Variants in EGLN1 observed in about 807,000 individuals in gnomAD.
EGLN1 encodes the protein egl-9 family hypoxia inducible factor 1.
EGLN1 carries 17 observed loss-of-function variants against 38.3 expected under a neutral mutation model. The observed-to-expected ratio is 0.44, with a 90% CI of 0.30 to 0.67. The LOEUF (loss-of-function observed/expected upper bound fraction) is 0.67. Among genes scored for constraint, EGLN1 ranks in the 30% least tolerant of loss-of-function variants. The pLI is 0.08. For missense variants in EGLN1, 477 were observed against 603.3 expected (o/e 0.79, Z 2.19); for synonymous variants, 283 against 257.5 (o/e 1.10, Z -0.95).
At position 231,366,428 on chromosome 1, in the gene EGLN1, C is replaced by T. The variant is rs753505082; in HGVS notation, c.1264G>A (p.Gly422Ser). ...CAAAGGCTCTAGAAGACGTCTTTAC[C>T]GACCGAATCTGAAGGTTTATTGAGT... is the stretch of plus-strand genomic sequence containing the variant. ...VELNKPSDSV[G>S]KDVF The change falls in exon 5 of 5, where the codon GGT (glycine) becomes AGT (serine). Residue 422 changes from glycine to serine, a missense_variant. Physicochemically the swap from Gly to Ser is moderately conservative, Grantham distance 56. Coordinates refer to ENST00000366641, the MANE Select transcript of EGLN1 (RefSeq NM_022051.3). 6.2e-6 allele frequency: 10 copies of T among 1,613,722 alleles called. No individual in the cohort carries two copies. The East Asian group carries it at 6.7e-5, about 11-fold the overall frequency.
At chr1:231,368,114 C>T (rs1207794595) in intron 3 of EGLN1, among the ~76,000 whole-genome samples, 4 of 152,086 alleles carry the variant, frequency 2.6e-5, no homozygotes, top group African/African-American at 7.2e-5. Context: ...CGCTTGAACC[C>T]GGGGAGGCGG....
chr1:231,369,519 T>C (rs1254370562), intron 3 of EGLN1: 1 of 940,442 alleles, frequency 1.1e-6, no homozygotes, highest in African/African-American at 1.8e-5. Flanking sequence ...GGGCACATCA[T>C]GTGATGTGAC....
chr1:231,409,337 C>A (rs1688874741), intron 1 of EGLN1, among the ~76,000 whole-genome samples: 1 of 151,628 alleles, frequency 6.6e-6, no homozygotes, highest in African/African-American at 2.4e-5. Context: ...ACTTCCATCT[C>A]ATAAACATAG....
At chr1:231,420,408 G>A (rs753502431) in intron 1 of EGLN1, 9 of 164,000 alleles carry the variant, frequency 5.5e-5, no homozygotes, top group Admixed American at 5.1e-4. Flanking sequence ...CAGGGTGAGG[G>A]ATAAGAGCTA....
intron 1 of EGLN1, among the ~76,000 whole-genome samples, chr1:231,408,925 T>C (rs1456198656): frequency 1.3e-5 from 2 of 151,796 alleles, no homozygotes; most frequent in Non-Finnish European, 2.9e-5. Context: ...TGCAAACAGG[T>C]TCCTGTGGCT....
chr1:231,386,509 A>C (rs902643183), intron 1 of EGLN1, among the ~76,000 whole-genome samples: 4 of 152,172 alleles, frequency 2.6e-5, no homozygotes, highest in Non-Finnish European at 5.9e-5. Context: ...ACTTTGAATT[A>C]GTTTAATGTT....
At position 231,412,518 on chromosome 1, in the gene EGLN1, T is replaced by TG. The variant is rs530317009; in HGVS notation, c.891+8479dup. ...GGATTCACAAGCCATCTTGAATGAG[T>TG]GGTTCATGCAAGGAAGCACAGACAT... On this transcript the variant is annotated intron_variant, in intron 1 of 4. Coordinates refer to ENST00000366641, the MANE Select transcript of EGLN1 (RefSeq NM_022051.3). Among the ~76,000 whole-genome samples the TG allele has an allele frequency of 4.9e-4, 75 of 152,282 alleles. 1 individual carries two copies. In the South Asian group the frequency reaches 0.015, roughly 31 times the overall value.
intron 1 of EGLN1, among the ~76,000 whole-genome samples, chr1:231,390,641 A>G (rs1235479286): frequency 6.6e-6 from 1 of 152,218 alleles, no homozygotes; most frequent in Non-Finnish European, 1.5e-5. Context: ...CCACATGCCT[A>G]GTAAAATGCC....
intron 3 of EGLN1, chr1:231,369,710 C>A: frequency 3.9e-6 from 2 of 515,484 alleles, no homozygotes; most frequent in South Asian, 8.4e-5. Flanking sequence ...ACTCTCCACC[C>A]AGCGCATCTA....
intron 1 of EGLN1, among the ~76,000 whole-genome samples, chr1:231,402,498 G>A (rs1300091696): frequency 2.0e-5 from 3 of 150,582 alleles, no homozygotes; most frequent in Admixed American, 6.6e-5. Context: ...GCAGTGGTGC[G>A]ATCTCAGCTC....
intron 1 of EGLN1, among the ~76,000 whole-genome samples, chr1:231,402,760 C>T (rs1171224504): frequency 6.6e-6 from 1 of 151,678 alleles, no homozygotes; most frequent in Non-Finnish European, 1.5e-5. Flanking sequence ...GGTCAGTGAT[C>T]CATTTTGAAT....
chr1:231,382,031 A>C (rs1688090131), intron 1 of EGLN1, among the ~76,000 whole-genome samples: 1 of 152,214 alleles, frequency 6.6e-6, no homozygotes, highest in Admixed American at 6.5e-5. Flanking sequence ...GCTATGGCAA[A>C]CTTGCTATAT....
intron 1 of EGLN1, among the ~76,000 whole-genome samples, chr1:231,411,878 A>G (rs1186967040): frequency 6.6e-6 from 1 of 151,860 alleles, no homozygotes; most frequent in Non-Finnish European, 1.5e-5. Flanking sequence ...GGGCACCTGT[A>G]GTCCCAGCTA....
In EGLN1 at chr1:231,421,267, A is replaced by G. The variant is rs575065229; in HGVS notation, c.622T>C (p.Cys208Arg). 1 of 1,613,538 alleles carries G rather than the reference A, an allele frequency of 6.2e-7. No individual in the cohort carries two copies. The highest frequency in any genetic ancestry group is 8.5e-7 in the Non-Finnish European group (1 of 1,179,982). ...IVPCMNKHGI[C>R]VVDDFLGKET... ...TTGCCGAGGAAGTCGTCCACCACAC[A>G]GATGCCGTGCTTGTTCATGCACGGC... Residue 208 changes from cysteine to arginine, a missense_variant, in exon 1 of 5, where the codon TGT becomes CGT. Around this residue, in one of 4 missense-constraint regions of EGLN1, gnomAD observed 119 missense variants for 179.0 expected, o/e 0.66. Transcript: ENST00000366641. This position sits in a 1 kb window ranked among gnomAD's most constrained non-coding sequence, Gnocchi z 5.5.
At chr1:231,395,997 T>C (rs1252321370) in intron 1 of EGLN1, among the ~76,000 whole-genome samples, 1 of 145,076 alleles carries the variant, frequency 6.9e-6, no homozygotes, top group Non-Finnish European at 1.5e-5. Flanking sequence ...TCCAGTGAAA[T>C]TACCCCAGGA....
In EGLN1 at chr1:231,381,035, T is replaced by C. The variant is rs529712218; in HGVS notation, c.892-6936A>G. Among the ~76,000 whole-genome samples, 6 of 152,256 alleles carry C rather than the reference T, an allele frequency of 3.9e-5. No individual in the cohort carries two copies. In the East Asian group the frequency reaches 5.8e-4, roughly 15 times the overall value. ...TCTGGGATCAAGCAATCCTCCCAAG[T>C]AGCTGGGAGTACAGGTACACGCTAC... On this transcript the variant is annotated intron_variant, in intron 1 of 4. Transcript: ENST00000366641.
intron 1 of EGLN1, among the ~76,000 whole-genome samples, chr1:231,380,315 C>CAAAAAAA (rs35280417): frequency 9.8e-6 from 1 of 101,818 alleles, no homozygotes; most frequent in Non-Finnish European, 1.9e-5. Context: ...GACTCCGTCT[C>CAAAAAAA]AAAAAAAAAA....
Position 231,421,657 on chromosome 1 carries a change from CG to C in EGLN1, c.231del (p.Ala78ArgfsTer35). 6.8e-7 allele frequency: 1 copy of C among 1,460,772 alleles called. No homozygotes were observed. Among genetic ancestry groups the C allele is most frequent in the East Asian group, 3.0e-5 (1 of 33,488 alleles). 90.5% of individuals were successfully genotyped at this position (1,460,772 alleles called of 1,614,324 possible). On this transcript the variant is annotated frameshift_variant, in exon 1 of 5. Coordinates refer to ENST00000366641, the MANE Select transcript of EGLN1 (RefSeq NM_022051.3). LOFTEE classifies it high-confidence loss of function. This position sits in a 1 kb window ranked among gnomAD's most constrained non-coding sequence, Gnocchi z 5.5. ...HGVGPHQHSGPAPPAAVPPPR... is the reference protein window; with the variant it reads ...HGVGPHQHSGXAPPAAVPPPR... Reference sequence around the variant, plus strand: ...GGCGGCGGCACTGCAGCCGGCGGCGCGGGGCCGGAATGCTGGTGTGGGCCCA... The same window carrying C: ...GGCGGCGGCACTGCAGCCGGCGGCGCGGGCCGGAATGCTGGTGTGGGCCCA...
chr1:231,408,132 T>C (rs1211567900), intron 1 of EGLN1, among the ~76,000 whole-genome samples: 2 of 152,142 alleles, frequency 1.3e-5, no homozygotes, highest in African/African-American at 4.8e-5. Context: ...AATTTGGGAA[T>C]AAAAGGTATA....
Sources: gnomAD v4.1 joint callset for allele counts (sites outside exome capture counted in the v4.1 genomes callset) on GRCh38, gnomAD v4.1.1 for gene constraint, gnomAD v4.1.1 regional missense constraint, Gnocchi (gnomAD v3.1) non-coding constraint, MANE v1.5 for transcripts, NCBI Gene and HGNC (gene_info 2026-07-23, HGNC 2026-07-21) for gene names.